Variants in CCDC171 observed in about 807,000 individuals in gnomAD.
CCDC171 encodes coiled-coil domain-containing protein 171.
A neutral mutation model predicts 168.2 loss-of-function variants in CCDC171; 177 were observed. The ratio of observed to expected loss-of-function variants is 1.05; its 90% CI spans 0.93 to 1.19. The LOEUF (loss-of-function observed/expected upper bound fraction) is 1.19. Among genes scored for constraint, CCDC171 ranks in the 50% most tolerant of loss-of-function variants. The pLI is 0.00. For synonymous variants in CCDC171, 687 were observed against 540.8 expected, an observed-to-expected ratio of 1.27 and a Z score of -3.75; for missense variants, 1,991 against 1,539.0, an observed-to-expected ratio of 1.29 and a Z score of -4.91.
intron 7 of CCDC171, among the ~76,000 whole-genome samples, chr9:16,035,713 G>T (rs1385593625): frequency 6.6e-6 from 1 of 152,166 alleles, no homozygotes; most frequent in Non-Finnish European, 1.5e-5. Flanking sequence ...TCTCCCTGCT[G>T]CCTCTATGTG....
Position 15,872,465 on chromosome 9 carries a change from G to A in CCDC171, c.3469-2067G>A, listed in dbSNP as rs116182052. Among the ~76,000 whole-genome samples the A allele has an allele frequency of 6.0e-3, 908 of 152,078 alleles. 14 individuals are homozygous for A. The highest frequency in any genetic ancestry group is 0.02 in the African/African-American group (831 of 41,540). On this transcript the variant is annotated intron_variant, in intron 23 of 25. Transcript: ENST00000380701. Reference sequence around the variant, plus strand: ...AAAGGACCTCCAGTGCTCGAACTGTGTTGTGGATTATACTTACATTGCTTA... The same window carrying A: ...AAAGGACCTCCAGTGCTCGAACTGTATTGTGGATTATACTTACATTGCTTA...
At chr9:15,743,658 C>T (rs991219872) in intron 16 of CCDC171, among the ~76,000 whole-genome samples, 3 of 152,204 alleles carry the variant, frequency 2.0e-5, no homozygotes, top group Non-Finnish European at 2.9e-5. Flanking sequence ...TGAGGCCCAG[C>T]TCACAATTAG....
chr9:15,863,455 G>A lies in CCDC171; in HGVS notation c.3469-11077G>A, dbSNP rs1380818952. Among the ~76,000 whole-genome samples, 11 of 151,820 alleles carry A rather than the reference G, an allele frequency of 7.2e-5. No homozygotes were observed. In the East Asian group the frequency reaches 7.8e-4, roughly 11 times the overall value. ...CATCTGGCTGCTATCATTCTCCTTCGTTTTTAAGGACACTTTTGTCACAAA... is the reference window on the plus strand; with the variant it reads ...CATCTGGCTGCTATCATTCTCCTTCATTTTTAAGGACACTTTTGTCACAAA... On this transcript the variant is annotated intron_variant, in intron 23 of 25. Coordinates refer to ENST00000380701, the MANE Select transcript of CCDC171 (RefSeq NM_173550.4).
chr9:15,672,685 C>G (rs576081670), intron 9 of CCDC171, among the ~76,000 whole-genome samples: 2 of 152,016 alleles, frequency 1.3e-5, no homozygotes, highest in East Asian at 1.9e-4. Context: ...ATTTCTGAGG[C>G]CTCTGTTCTG....
chr9:15,731,671 C>G (rs1398289824), intron 16 of CCDC171, among the ~76,000 whole-genome samples: 3 of 152,002 alleles, frequency 2.0e-5, no homozygotes, highest in African/African-American at 7.2e-5. Context: ...CATTATTGTA[C>G]AAGTCTTTTG....
At chr9:15,630,563 A>C (rs2045591271) in intron 7 of CCDC171, among the ~76,000 whole-genome samples, 1 of 152,184 alleles carries the variant, frequency 6.6e-6, no homozygotes, top group East Asian at 1.9e-4. Flanking sequence ...TTAGACTCCC[A>C]CACAATAATA....
At chr9:15,969,265 A>G (rs1400424181) in intron 25 of CCDC171, among the ~76,000 whole-genome samples, 2 of 152,274 alleles carry the variant, frequency 1.3e-5, no homozygotes, top group East Asian at 3.9e-4. Context: ...CAAAAGAGGG[A>G]CCTCTTTGTA....
chr9:15,833,793 T>C (rs965875192), intron 21 of CCDC171, among the ~76,000 whole-genome samples: 1 of 152,154 alleles, frequency 6.6e-6, no homozygotes, highest in African/African-American at 2.4e-5. Context: ...TCATCTAACT[T>C]TTAAAACAAT....
rs749022379 is a variant in CCDC171 at position 15,724,811 on chromosome 9, G to C, written c.1527G>C (p.Glu509Asp). 1 of 1,613,792 alleles carries C rather than the reference G, an allele frequency of 6.2e-7. No individual in the cohort carries two copies. The highest frequency in any genetic ancestry group is 1.1e-5 in the South Asian group (1 of 91,074). Reference protein sequence around the residue: ...LQDKLADVNKELSHLHTKCAD... With the variant: ...LQDKLADVNKDLSHLHTKCAD... ...ATAAACTGGCTGATGTTAATAAAGAGTTAAGTCATTTACACACTAAATGTG... is the reference window on the plus strand; with the variant it reads ...ATAAACTGGCTGATGTTAATAAAGACTTAAGTCATTTACACACTAAATGTG... Residue 509 changes from glutamate to aspartate, a missense_variant, in exon 14 of 26, where the codon GAG becomes GAC. Transcript: ENST00000380701.
chr9:16,002,557 T>G (rs910340663), intron 3 of CCDC171, among the ~76,000 whole-genome samples: 26 of 152,324 alleles, frequency 1.7e-4, no homozygotes, highest in African/African-American at 6.3e-4. Context: ...AGATTAAAAG[T>G]CTATAAAGTA....
At chr9:15,591,339 A>T in intron 4 of CCDC171, 27 bp from the exon 5 acceptor site, 1 of 1,413,740 alleles carries the variant, frequency 7.1e-7, no homozygotes. Flanking sequence ...ATGGTTGTAA[A>T]TGTACCTATT....
intron 23 of CCDC171, among the ~76,000 whole-genome samples, chr9:15,853,352 ACTGTTTT>A (rs1049236383): frequency 1.3e-5 from 2 of 151,618 alleles, no homozygotes; most frequent in Non-Finnish European, 3.0e-5. Context: ...TTTAAATGGA[ACTGTTTT>A]CTTAAGTCTA....
intron 7 of CCDC171, among the ~76,000 whole-genome samples, chr9:15,637,124 C>T (rs555011153): frequency 2.7e-4 from 41 of 152,060 alleles, no homozygotes; most frequent in South Asian, 2.3e-3. Flanking sequence ...GGCATGGTGG[C>T]GCTCGCCTGT....
intron 21 of CCDC171, among the ~76,000 whole-genome samples, chr9:15,799,460 T>G (rs560739670): frequency 6.6e-6 from 1 of 151,862 alleles, no homozygotes; most frequent in South Asian, 2.1e-4. Flanking sequence ...CTTTACAAAT[T>G]TTAATTTTTA....
chr9:15,727,338 G>A (rs896698798), intron 14 of CCDC171, among the ~76,000 whole-genome samples: 5 of 152,166 alleles, frequency 3.3e-5, no homozygotes, highest in Non-Finnish European at 7.4e-5. Flanking sequence ...GGATTCTCTG[G>A]AGGAAGAAGA....
At position 15,734,666 on chromosome 9, in the gene CCDC171, A is replaced by G. The variant is rs145853679; in HGVS notation, c.2049+4868A>G. Among the ~76,000 whole-genome samples, 810 of 152,304 alleles carry G rather than the reference A, an allele frequency of 5.3e-3. 9 individuals carry two copies. Among genetic ancestry groups the G allele is most frequent in the African/African-American group, 0.018 (761 of 41,566 alleles). Reference sequence around the variant, plus strand: ...AATTTATTTTGGTATTATGTTTGATAAACTGTTATTATAATACATATTATA... The same window carrying G: ...AATTTATTTTGGTATTATGTTTGATGAACTGTTATTATAATACATATTATA... On this transcript the variant is annotated intron_variant, in intron 16 of 25. Coordinates refer to ENST00000380701, the MANE Select transcript of CCDC171 (RefSeq NM_173550.4).
chr9:16,108,404 ATG>A, the CCDC171 span, among the ~76,000 whole-genome samples: 1 of 152,300 alleles, frequency 6.6e-6, no homozygotes, highest in South Asian at 2.1e-4. Context: ...CTTATTTTCT[ATG>A]TGTTAGAAAA....
chr9:15,752,438 A>T (rs1403880800), intron 18 of CCDC171, among the ~76,000 whole-genome samples: 6 of 152,198 alleles, frequency 3.9e-5, no homozygotes, highest in Non-Finnish European at 8.8e-5. Flanking sequence ...GCTACTATAA[A>T]GACACATGCA....
chr9:15,799,500 G>A (rs2058718020), intron 21 of CCDC171, among the ~76,000 whole-genome samples: 1 of 151,512 alleles, frequency 6.6e-6, no homozygotes, highest in Non-Finnish European at 1.5e-5. Flanking sequence ...ACTTAATAGG[G>A]TATGTGTATA....
Sources: allele counts gnomAD v4.1 joint callset (sites outside exome capture counted in the v4.1 genomes callset), GRCh38; gene constraint gnomAD v4.1.1; transcripts MANE v1.5; gene names NCBI Gene and HGNC (gene_info 2026-07-23, HGNC 2026-07-21).